SV2C: variants seen among roughly 807,000 people sequenced by gnomAD.
The protein encoded by SV2C is solute carrier family 22 member B3.
SV2C carries 49 observed loss-of-function variants against 79.7 expected under a neutral mutation model. That is an observed-to-expected ratio of 0.61 (90% CI 0.49 to 0.78). SV2C has a LOEUF of 0.78. SV2C is among the 30% of genes least tolerant of loss of function. SV2C has a pLI of 0.00. For synonymous variants in SV2C, 334 were observed against 333.2 expected, an observed-to-expected ratio of 1.00 and a Z score of -0.03; for missense variants, 833 against 912.9, an observed-to-expected ratio of 0.91 and a Z score of 1.13.
chr5:76,291,525 G>A (rs1747564945), intron 7 of SV2C, among the ~76,000 whole-genome samples, 194 bp downstream of exon 7: 2 of 152,192 alleles, frequency 1.3e-5, no homozygotes, highest in Non-Finnish European at 2.9e-5. Context: ...CTGTGGGAAG[G>A]GAAAGTGTTA....
intron 2 of SV2C, among the ~76,000 whole-genome samples, chr5:76,145,997 A>ATT (rs1749407247): frequency 6.6e-6 from 1 of 152,196 alleles, no homozygotes; most frequent in Non-Finnish European, 1.5e-5. Flanking sequence ...ACACACAAAA[A>ATT]TTCTTCTCTT....
In SV2C at chr5:76,326,646, C is replaced by T. The variant is rs1289740018; in HGVS notation, c.*1099C>T. On this transcript the variant is annotated 3_prime_UTR_variant, in exon 13 of 13. Transcript: ENST00000502798. ...CTGGCATCAGCAAAGAGGGTTTGTCCCTCTAGCTTCCCCAGGGCTGGCCCA... is the reference window on the plus strand; with the variant it reads ...CTGGCATCAGCAAAGAGGGTTTGTCTCTCTAGCTTCCCCAGGGCTGGCCCA... 3 of 152,286 alleles carry T rather than the reference C, an allele frequency of 2.0e-5. No individual in the cohort carries two copies. In the East Asian group the frequency reaches 5.8e-4, roughly 29 times the overall value. 9.4% of individuals were successfully genotyped at this position (152,286 alleles called of 1,614,324 possible).
the SV2C span, among the ~76,000 whole-genome samples, chr5:75,996,422 C>T: frequency 0.35 from 53,315 of 151,950 alleles, 10,155 homozygotes; most frequent in East Asian, 0.62. Flanking sequence ...TAGCATGATG[C>T]CTCCAGCTTT....
At chr5:75,853,929 T>C in the SV2C span, among the ~76,000 whole-genome samples, 15 of 151,374 alleles carry the variant, frequency 9.9e-5, no homozygotes, top group Non-Finnish European at 1.9e-4. Context: ...AAATGTACAG[T>C]TTGATTAGCT....
intron 2 of SV2C, among the ~76,000 whole-genome samples, chr5:76,151,689 C>T (rs11950028): frequency 0.012 from 1,770 of 152,166 alleles, 40 homozygotes; most frequent in African/African-American, 0.04. Context: ...CTGAGGTTGG[C>T]GGGGAGGTGG....
chr5:76,234,903 G>A (rs1039802309), intron 4 of SV2C, among the ~76,000 whole-genome samples: 3 of 152,182 alleles, frequency 2.0e-5, no homozygotes, highest in Non-Finnish European at 4.4e-5. Context: ...ATAAAAGCTA[G>A]AGCAACTACA....
intron 12 of SV2C, among the ~76,000 whole-genome samples, chr5:76,352,261 A>AG (rs1749656229): frequency 6.6e-6 from 1 of 152,084 alleles, no homozygotes. Flanking sequence ...ATCCAACAAG[A>AG]GAAAAAAAAA....
chr5:76,352,919 T>A (rs1749669444), intron 12 of SV2C, among the ~76,000 whole-genome samples: 1 of 151,700 alleles, frequency 6.6e-6, no homozygotes, highest in South Asian at 2.1e-4. Flanking sequence ...CATATTGAAA[T>A]TCTTTTTTTT....
chr5:76,049,793 A>G, the SV2C span, among the ~76,000 whole-genome samples: 2 of 152,202 alleles, frequency 1.3e-5, no homozygotes, highest in South Asian at 2.1e-4. Context: ...AGCTTTCACT[A>G]TATGTTGATT....
chr5:76,312,867 G>A (rs1463836300), intron 12 of SV2C, among the ~76,000 whole-genome samples: 2 of 152,238 alleles, frequency 1.3e-5, no homozygotes, highest in Admixed American at 6.5e-5. Context: ...ACCCAGTGCA[G>A]TGGGATTGGT....
intron 2 of SV2C, among the ~76,000 whole-genome samples, chr5:76,141,108 G>A (rs926237818): frequency 3.3e-5 from 5 of 152,280 alleles, no homozygotes; most frequent in Middle Eastern, 3.4e-3. Flanking sequence ...TCTGACATCC[G>A]AGTGGAGGTG....
rs567533458 is a variant in SV2C at position 76,328,769 on chromosome 5, AT to A, written c.*3236del. On this transcript the variant is annotated 3_prime_UTR_variant, in exon 13 of 13. Coordinates refer to ENST00000502798, the MANE Select transcript of SV2C (RefSeq NM_014979.4). ...TTATCTGCCTTCTTATGCTAAACTC[AT>A]TTTTTTTTTTTTTAGGTGGAGTTTC... is the stretch of plus-strand genomic sequence containing the variant. 4,656 of 143,160 alleles carry A rather than the reference AT, an allele frequency of 0.033. 168 individuals are homozygous for A. Among genetic ancestry groups the A allele is most frequent in the African/African-American group, 0.089 (3,509 of 39,450 alleles). 8.9% of individuals were successfully genotyped at this position (143,160 alleles called of 1,614,324 possible). A position where few individuals can be genotyped will look rare whatever the true frequency, so the allele number is the denominator to read the frequency against.
intron 2 of SV2C, among the ~76,000 whole-genome samples, chr5:76,165,671 T>C (rs1404849128): frequency 6.6e-6 from 1 of 152,222 alleles, no homozygotes; most frequent in African/African-American, 2.4e-5. Flanking sequence ...TCGGTTGTTA[T>C]GTGTATTAAT....
chr5:76,034,498 T>A, the SV2C span, among the ~76,000 whole-genome samples: 3 of 152,214 alleles, frequency 2.0e-5, no homozygotes, highest in Non-Finnish European at 4.4e-5. Flanking sequence ...CTGCATCTGT[T>A]GAGATAATCA....
At chr5:75,886,620 G>C in the SV2C span, among the ~76,000 whole-genome samples, 1 of 152,134 alleles carries the variant, frequency 6.6e-6, no homozygotes, top group East Asian at 1.9e-4. Context: ...ACCATCTATG[G>C]TCTGGGGATT....
the SV2C span, among the ~76,000 whole-genome samples, chr5:75,969,372 C>G: frequency 6.6e-6 from 1 of 152,150 alleles, no homozygotes; most frequent in South Asian, 2.1e-4. Context: ...TTAAAAGACA[C>G]AGACTGGCAA....
intron 3 of SV2C, among the ~76,000 whole-genome samples, chr5:76,196,923 G>A (rs958511115): frequency 1.3e-5 from 2 of 152,298 alleles, no homozygotes; most frequent in East Asian, 1.9e-4. Flanking sequence ...GTCCAGAAGC[G>A]AATTCAAGGG....
chr5:75,997,606 G>C, the SV2C span, among the ~76,000 whole-genome samples: 1 of 152,116 alleles, frequency 6.6e-6, no homozygotes, highest in Non-Finnish European at 1.5e-5. Flanking sequence ...ATCATCACTG[G>C]CCATCAGAGA....
chr5:75,979,475 G>C, the SV2C span, among the ~76,000 whole-genome samples: 411 of 115,534 alleles, frequency 3.6e-3, 2 homozygotes, highest in African/African-American at 0.011. Flanking sequence ...CACATAATTG[G>C]AAATAAAACA....
Sources: gnomAD v4.1 joint callset for allele counts (sites outside exome capture counted in the v4.1 genomes callset) on GRCh38, gnomAD v4.1.1 for gene constraint, MANE v1.5 for transcripts, NCBI Gene and HGNC (gene_info 2026-07-23, HGNC 2026-07-21) for gene names.